Variants in QTMAN observed in about 807,000 individuals in gnomAD.
QTMAN encodes the protein queuosine-tRNA mannosyltransferase, also known as tRNA-queuosine alpha-mannosyltransferase.
the QTMAN span, among the ~76,000 whole-genome samples, chr2:144,047,244 C>T: frequency 6.6e-6 from 1 of 152,030 alleles, no homozygotes; most frequent in African/African-American, 2.4e-5. Context: ...GTCCTCCAGC[C>T]TGGGTGACAG....
chr2:144,049,406 T>C, the QTMAN span, among the ~76,000 whole-genome samples: 1 of 152,180 alleles, frequency 6.6e-6, no homozygotes, highest in Non-Finnish European at 1.5e-5. Flanking sequence ...AAGTTACTGA[T>C]ACGAGTTGTG....
chr2:144,308,688 G>A, the QTMAN span, among the ~76,000 whole-genome samples: 561 of 152,030 alleles, frequency 3.7e-3, 2 homozygotes, highest in African/African-American at 0.013. Context: ...GACATTTGCC[G>A]GACGCGGTGG....
chr2:144,082,595 G>GT, the QTMAN span, among the ~76,000 whole-genome samples: 7 of 151,344 alleles, frequency 4.6e-5, no homozygotes, highest in African/African-American at 1.5e-4. Flanking sequence ...TACCCATATA[G>GT]TTAAAAAAAA....
At chr2:144,069,636 A>C in the QTMAN span, among the ~76,000 whole-genome samples, 1 of 152,202 alleles carries the variant, frequency 6.6e-6, no homozygotes, top group African/African-American at 2.4e-5. Flanking sequence ...AGCCTGAAGA[A>C]GCCAGAGCTG....
chr2:143,968,720 T>G, the QTMAN span, among the ~76,000 whole-genome samples: 1 of 152,176 alleles, frequency 6.6e-6, no homozygotes, highest in African/African-American at 2.4e-5. Flanking sequence ...ACTGAACTTA[T>G]GAGCTTTGCA....
At chr2:144,144,054 A>G in the QTMAN span, among the ~76,000 whole-genome samples, 3 of 151,924 alleles carry the variant, frequency 2.0e-5, no homozygotes, top group Non-Finnish European at 2.9e-5. Context: ...GATGAAGTAC[A>G]CTTCTCTCTC....
At chr2:144,294,907 G>C in the QTMAN span, among the ~76,000 whole-genome samples, 1 of 152,170 alleles carries the variant, frequency 6.6e-6, no homozygotes, top group Non-Finnish European at 1.5e-5. Context: ...TGGATAATCA[G>C]TGGATTCCTA....
the QTMAN span, among the ~76,000 whole-genome samples, chr2:144,054,836 G>A: frequency 6.6e-6 from 1 of 152,200 alleles, no homozygotes; most frequent in East Asian, 1.9e-4. Flanking sequence ...TTCCTTGCTT[G>A]GCTTTTTTCT....
At chr2:144,147,887 T>C in the QTMAN span, among the ~76,000 whole-genome samples, 3 of 151,846 alleles carry the variant, frequency 2.0e-5, no homozygotes, top group Non-Finnish European at 4.4e-5. Context: ...CAAAAATGCC[T>C]AAGCTGAATT....
the QTMAN span, among the ~76,000 whole-genome samples, chr2:144,022,292 T>A: frequency 6.6e-5 from 10 of 151,920 alleles, no homozygotes; most frequent in South Asian, 2.1e-4. Context: ...TCTTTTTTTT[T>A]AATTTGTATA....
the QTMAN span, among the ~76,000 whole-genome samples, chr2:144,032,675 G>T: frequency 1.3e-5 from 2 of 152,186 alleles, no homozygotes; most frequent in Non-Finnish European, 2.9e-5. Flanking sequence ...ATAAAGTGGT[G>T]GTGGGGGACT....
the QTMAN span, among the ~76,000 whole-genome samples, chr2:144,245,645 T>C: frequency 6.6e-6 from 1 of 152,186 alleles, no homozygotes; most frequent in Admixed American, 6.5e-5. Context: ...TTCATTCAGA[T>C]CATCATTACT....
the QTMAN span, among the ~76,000 whole-genome samples, chr2:144,023,365 T>C: frequency 1.3e-5 from 2 of 152,190 alleles, no homozygotes; most frequent in African/African-American, 4.8e-5. Flanking sequence ...TTACTTAAGC[T>C]CTTAGGCAAC....
chr2:144,139,486 T>C, the QTMAN span, among the ~76,000 whole-genome samples: 1 of 152,040 alleles, frequency 6.6e-6, no homozygotes, highest in African/African-American at 2.4e-5. Context: ...CAAACTTAAG[T>C]GCAAGGTCAT....
chr2:144,270,674 G>A, the QTMAN span, among the ~76,000 whole-genome samples: 2 of 151,996 alleles, frequency 1.3e-5, no homozygotes, highest in Non-Finnish European at 2.9e-5. Flanking sequence ...GGCAAGGGGA[G>A]GGATAGCACT....
the QTMAN span, among the ~76,000 whole-genome samples, chr2:144,077,466 C>CA: frequency 1.3e-5 from 2 of 152,324 alleles, no homozygotes; most frequent in African/African-American, 4.8e-5. Flanking sequence ...TCTATACCTC[C>CA]AGATACTGAT....
At chr2:144,121,413 G>C in the QTMAN span, among the ~76,000 whole-genome samples, 2 of 152,162 alleles carry the variant, frequency 1.3e-5, no homozygotes, top group African/African-American at 2.4e-5. Flanking sequence ...GATAAGGAAT[G>C]AATTTCTGGG....
At chr2:143,938,233 T>C in the QTMAN span, 4 of 152,290 alleles carry the variant, frequency 2.6e-5, no homozygotes, top group African/African-American at 9.6e-5. Context: ...AAAGGAGAGA[T>C]GTCTGCTTTG....
At chr2:144,081,402 G>C in the QTMAN span, among the ~76,000 whole-genome samples, 2 of 152,140 alleles carry the variant, frequency 1.3e-5, no homozygotes, top group African/African-American at 4.8e-5. Context: ...TGATTTGGCA[G>C]GGCATCAAAA....
Sources: gnomAD v4.1 joint callset for allele counts (sites outside exome capture counted in the v4.1 genomes callset) on GRCh38, gnomAD v4.1.1 for gene constraint, MANE v1.5 for transcripts, NCBI Gene and HGNC (gene_info 2026-07-23, HGNC 2026-07-21) for gene names.